ZER1: variants seen among roughly 807,000 people sequenced by gnomAD.
ZER1 encodes the protein protein zer-1 homolog.
ZER1 carries 11 observed loss-of-function variants against 78.8 expected under a neutral mutation model. That is an observed-to-expected ratio of 0.14 (90% CI 0.09 to 0.23). The LOEUF is 0.23. Among genes scored for constraint, ZER1 ranks in the 10% least tolerant of loss-of-function variants. ZER1 has a pLI of 1.00. For missense variants in ZER1, 588 were observed against 996.9 expected, an observed-to-expected ratio of 0.59 and a Z score of 5.52; for synonymous variants, 400 against 407.0, an observed-to-expected ratio of 0.98 and a Z score of 0.21.
Position 128,754,905 on chromosome 9 carries a change from C to A in ZER1, c.158+503G>T, listed in dbSNP as rs887467613. On this transcript the variant is annotated intron_variant, in intron 2 of 15. Transcript: ENST00000291900. The surrounding 1 kb of genome is among the most constrained non-coding windows in gnomAD (Gnocchi z 4.3). The stretch of plus-strand genomic sequence containing the variant: ...TAGGAGCCCCTAGGAGTGGGGAGGC[C>A]CTCGGAGGGCCATTCAGATTTTCTG... 6.6e-6 allele frequency among the ~76,000 whole-genome samples: 1 copy of A among 152,066 alleles called. No individual in the cohort carries two copies. The highest frequency in any genetic ancestry group is 2.1e-4 in the South Asian group (1 of 4,830).
intron 14 of ZER1, 100 bp from the exon 15 acceptor site, chr9:128,733,628 G>A: frequency 9.2e-7 from 1 of 1,085,682 alleles, no homozygotes; most frequent in South Asian, 1.4e-5. Context: ...CTGGTGTCGG[G>A]GGTGTGAAGG....
intron 13 of ZER1, among the ~76,000 whole-genome samples, chr9:128,737,684 T>C (rs1246798036): frequency 1.3e-5 from 2 of 152,192 alleles, no homozygotes; most frequent in African/African-American, 2.4e-5. Flanking sequence ...AGTGAGATTA[T>C]GAACGATTCT....
At chr9:128,769,579 A>G (rs1174771374) in intron 1 of ZER1, among the ~76,000 whole-genome samples, 5 of 151,710 alleles carry the variant, frequency 3.3e-5, no homozygotes, top group Admixed American at 2.0e-4. Flanking sequence ...ACACCCGGCT[A>G]ATTTTTGTAT....
At chr9:128,761,268 C>T (rs1864036622) in intron 1 of ZER1, among the ~76,000 whole-genome samples, 1 of 151,848 alleles carries the variant, frequency 6.6e-6, no homozygotes, top group Non-Finnish European at 1.5e-5. Context: ...AGACTAAGTA[C>T]ACAACATGGT....
chr9:128,733,629 GGT>G, intron 14 of ZER1, 101 bp from the exon 15 acceptor site: 1 of 1,084,060 alleles, frequency 9.2e-7, no homozygotes, highest in Non-Finnish European at 1.4e-6. Flanking sequence ...TGGTGTCGGG[GGT>G]GTGAAGGCAC....
intron 1 of ZER1, among the ~76,000 whole-genome samples, chr9:128,758,318 G>C (rs1475116892): frequency 2.0e-5 from 3 of 152,020 alleles, no homozygotes; most frequent in Non-Finnish European, 4.4e-5. Context: ...GTAGAGACAG[G>C]GTTATCCATG....
At chr9:128,744,285 G>T (rs1048549503) in intron 8 of ZER1, among the ~76,000 whole-genome samples, 5 of 151,468 alleles carry the variant, frequency 3.3e-5, no homozygotes, top group African/African-American at 4.9e-5. Context: ...TCTGCCTCGC[G>T]GGTCCAAGCG....
At chr9:128,743,582 C>T (rs374012127) in intron 8 of ZER1, among the ~76,000 whole-genome samples, 58 of 151,312 alleles carry the variant, frequency 3.8e-4, no homozygotes, top group African/African-American at 1.1e-3. Context: ...CCACCATATG[C>T]GCAGCTATTT....
chr9:128,763,870 C>T (rs1231089391), intron 1 of ZER1, among the ~76,000 whole-genome samples: 1 of 152,102 alleles, frequency 6.6e-6, no homozygotes, highest in Non-Finnish European at 1.5e-5. Flanking sequence ...GCCTGTAATC[C>T]CAGCTACTCG....
Position 128,742,677 on chromosome 9 carries a change from G to C in ZER1, c.1428C>G (p.Arg476=), listed in dbSNP as rs1429566406. ...TGCTGAGCAGGAGCTCGTTGACCCG[G>C]CGGTACTGGAATTCCAGCTCCTCGG... The part of the protein sequence containing the change: ...SIPEELEFQY[R]RVNELLLSIL... The change falls in exon 9 of 16, where the codon CGC becomes CGG. Residue 476 remains arginine (R), a synonymous_variant. Coordinates refer to ENST00000291900, the MANE Select transcript of ZER1 (RefSeq NM_006336.4). The C allele has an allele frequency of 6.2e-7, 1 of 1,614,196 alleles. No individual in the cohort carries two copies. Among genetic ancestry groups the C allele is most frequent in the South Asian group, 1.1e-5 (1 of 91,082 alleles).
chr9:128,766,851 A>AC (rs1564412779), intron 1 of ZER1, among the ~76,000 whole-genome samples: 1 of 150,518 alleles, frequency 6.6e-6, no homozygotes, highest in African/African-American at 2.4e-5. Flanking sequence ...GTCTCAAAAA[A>AC]AAAAAAAAAA....
chr9:128,733,644 C>T, intron 14 of ZER1, 116 bp from the exon 15 acceptor site: 2 of 903,628 alleles, frequency 2.2e-6, no homozygotes, highest in Non-Finnish European at 3.4e-6. Context: ...GAAGGCACAG[C>T]CCTTGGTGGG....
chr9:128,731,453 C>T (rs1812829081), intron 15 of ZER1, 59 bp from the exon 16 acceptor site: 1 of 1,363,090 alleles, frequency 7.3e-7, no homozygotes, highest in East Asian at 2.3e-5. Flanking sequence ...TGAGCCCAGC[C>T]CCTCCGAGAT....
intron 8 of ZER1, among the ~76,000 whole-genome samples, chr9:128,749,585 AC>A (rs1863610515): frequency 6.6e-6 from 1 of 151,500 alleles, no homozygotes; most frequent in African/African-American, 2.4e-5. Flanking sequence ...CACCAGACTG[AC>A]CAACATGGCA....
intron 1 of ZER1, among the ~76,000 whole-genome samples, chr9:128,764,344 A>G (rs1342446272): frequency 6.6e-6 from 1 of 152,168 alleles, no homozygotes; most frequent in Non-Finnish European, 1.5e-5. Flanking sequence ...CTGGGCGCCC[A>G]GTGGCTGCAA....
At chr9:128,746,672 G>A (rs1291662661) in intron 8 of ZER1, among the ~76,000 whole-genome samples, 2 of 151,280 alleles carry the variant, frequency 1.3e-5, no homozygotes, top group Admixed American at 6.6e-5. Context: ...TTTCACTCTC[G>A]TCACCCAGGT....
chr9:128,731,437 T>TGGGGGGGGGGGTTGGGGG, intron 15 of ZER1, 43 bp from the exon 16 acceptor site: 1 of 451,604 alleles, frequency 2.2e-6, no homozygotes, highest in East Asian at 4.9e-5. Context: ...TGGGCTTGGG[T>TGGGGGGGGGGGTTGGGGG]GGGGGTGAGC....
At chr9:128,743,179 C>T (rs1863363574) in intron 8 of ZER1, among the ~76,000 whole-genome samples, 1 of 151,270 alleles carries the variant, frequency 6.6e-6, no homozygotes, top group Non-Finnish European at 1.5e-5. Context: ...GTGCAGTGGA[C>T]CTATCTCGGC....
At chr9:128,744,690 G>A (rs1381923306) in intron 8 of ZER1, among the ~76,000 whole-genome samples, 4 of 148,320 alleles carry the variant, frequency 2.7e-5, no homozygotes, top group Non-Finnish European at 5.9e-5. Flanking sequence ...TGTTGGCCAG[G>A]CTGGTCTGGA....
Sources: gnomAD v4.1 joint callset for allele counts (sites outside exome capture counted in the v4.1 genomes callset) on GRCh38, gnomAD v4.1.1 for gene constraint, Gnocchi (gnomAD v3.1) non-coding constraint, MANE v1.5 for transcripts, NCBI Gene and HGNC (gene_info 2026-07-23, HGNC 2026-07-21) for gene names.